MAPK10: variants seen among roughly 807,000 people sequenced by gnomAD.
MAPK10 encodes the protein JNK3 alpha protein kinase.
A neutral mutation model predicts 59.3 loss-of-function variants in MAPK10; 25 were observed. The observed-to-expected ratio is 0.42, with a 90% confidence interval of 0.31 to 0.59. The LOEUF is 0.59. MAPK10 is among the 20% of genes least tolerant of loss of function. The pLI is 0.15. For missense variants in MAPK10, 351 were observed against 568.9 expected (o/e 0.62, Z 3.90); for synonymous variants, 190 against 200.5 (o/e 0.95, Z 0.44).
chr4:86,429,083 T>C (rs2149039344), intron 1 of MAPK10, among the ~76,000 whole-genome samples: 1 of 152,328 alleles, frequency 6.6e-6, no homozygotes, highest in Admixed American at 6.5e-5. Context: ...TTACTCATTT[T>C]TGGTATATTA....
chr4:86,103,325 C>T, intron 5 of MAPK10, 81 bp from the exon 6 acceptor site: 1 of 764,242 alleles, frequency 1.3e-6, no homozygotes, highest in African/African-American at 1.7e-5. Flanking sequence ...TGTATTTCAA[C>T]TCAAAGTCAC....
intron 4 of MAPK10, among the ~76,000 whole-genome samples, chr4:86,108,686 A>C (rs2056956068): frequency 6.6e-6 from 1 of 152,174 alleles, no homozygotes; most frequent in African/African-American, 2.4e-5. Flanking sequence ...ATTGTTCGGC[A>C]GCTTTGAGAA....
At chr4:86,369,788 A>C (rs764827754) in intron 1 of MAPK10, among the ~76,000 whole-genome samples, 3 of 152,224 alleles carry the variant, frequency 2.0e-5, no homozygotes, top group African/African-American at 7.2e-5. Flanking sequence ...CAAGATAATT[A>C]AAACATTTTT....
intron 1 of MAPK10, among the ~76,000 whole-genome samples, chr4:86,366,626 T>G (rs1024392078): frequency 6.6e-6 from 1 of 152,054 alleles, no homozygotes; most frequent in African/African-American, 2.4e-5. Context: ...GAGATTTACA[T>G]AGCAATCAAC....
At chr4:86,438,942 G>A (rs1051228832) in intron 1 of MAPK10, among the ~76,000 whole-genome samples, 2 of 152,158 alleles carry the variant, frequency 1.3e-5, no homozygotes, top group Non-Finnish European at 2.9e-5. Context: ...ACTAGCAAAT[G>A]CAGCAAAGGA....
At chr4:86,544,358 A>T (rs919221001) in intron 1 of MAPK10, among the ~76,000 whole-genome samples, 2 of 152,226 alleles carry the variant, frequency 1.3e-5, no homozygotes, top group Non-Finnish European at 2.9e-5. Context: ...TTTTTGGGGG[A>T]ATAAAACAAT....
intron 2 of MAPK10, among the ~76,000 whole-genome samples, chr4:86,204,765 A>G (rs1188788237): frequency 6.6e-6 from 1 of 151,956 alleles, no homozygotes; most frequent in Admixed American, 6.6e-5. Context: ...GAATTTCCCA[A>G]TTCCTTTTCT....
At chr4:86,018,798 T>A (rs1457946110) in intron 13 of MAPK10, among the ~76,000 whole-genome samples, 1 of 152,224 alleles carries the variant, frequency 6.6e-6, no homozygotes, top group Non-Finnish European at 1.5e-5. Flanking sequence ...TAAAATTATA[T>A]CTTATTTGAG....
intron 1 of MAPK10, among the ~76,000 whole-genome samples, chr4:86,379,207 G>A (rs1304095972): frequency 6.6e-6 from 1 of 152,180 alleles, no homozygotes; most frequent in East Asian, 1.9e-4. Flanking sequence ...GGCCTAGCAG[G>A]ATCATTACTA....
At chr4:86,269,576 C>T (rs1052561159) in intron 2 of MAPK10, among the ~76,000 whole-genome samples, 21 of 152,200 alleles carry the variant, frequency 1.4e-4, no homozygotes, top group South Asian at 8.3e-4. Context: ...TACTCTCTCG[C>T]CTCTATCCAG....
chr4:86,218,230 G>GTC (rs762866631), intron 2 of MAPK10, among the ~76,000 whole-genome samples: 59 of 152,174 alleles, frequency 3.9e-4, no homozygotes, highest in Non-Finnish European at 5.9e-4. Context: ...TTGAGACGGA[G>GTC]TCTCACGCTG....
At chr4:86,136,515 A>G (rs1407935082) in intron 4 of MAPK10, among the ~76,000 whole-genome samples, 2 of 150,630 alleles carry the variant, frequency 1.3e-5, no homozygotes, top group Non-Finnish European at 2.9e-5. Flanking sequence ...GGCCTGCCCT[A>G]AAAGAGCTCC....
intron 13 of MAPK10, among the ~76,000 whole-genome samples, chr4:86,019,641 T>C (rs1173026753): frequency 6.6e-6 from 1 of 152,152 alleles, no homozygotes; most frequent in South Asian, 2.1e-4. Flanking sequence ...ACCAATATCC[T>C]TCATATTCTT....
At chr4:86,493,460 C>T (rs554700499) in intron 1 of MAPK10, among the ~76,000 whole-genome samples, 2 of 152,216 alleles carry the variant, frequency 1.3e-5, no homozygotes, top group East Asian at 3.9e-4. Context: ...TATTGCATTT[C>T]CCTTTCTCCA....
intron 2 of MAPK10, among the ~76,000 whole-genome samples, chr4:86,343,833 A>G (rs1442062873): frequency 6.6e-6 from 1 of 152,230 alleles, no homozygotes; most frequent in Non-Finnish European, 1.5e-5. Context: ...AAAGTGTAAA[A>G]CAATGCCACT....
rs373503827 is a variant in MAPK10 at position 86,537,077 on chromosome 4, T to C, written c.-263+56833A>G. Reference sequence around the variant, plus strand: ...CTGACTCAGGTTGTCGGAACCTCAGTAGGATGAAGAGGGAATACACACAAT... The same window carrying C: ...CTGACTCAGGTTGTCGGAACCTCAGCAGGATGAAGAGGGAATACACACAAT... On this transcript the variant is annotated intron_variant, in intron 1 of 4. Transcript: ENST00000502302. 3.3e-5 allele frequency among the ~76,000 whole-genome samples: 5 copies of C among 152,226 alleles called. No individual in the cohort carries two copies. In the East Asian group the frequency reaches 9.7e-4, roughly 29 times the overall value.
At chr4:86,408,619 C>T (rs1030864850) in intron 1 of MAPK10, among the ~76,000 whole-genome samples, 13 of 152,064 alleles carry the variant, frequency 8.5e-5, no homozygotes, top group South Asian at 2.1e-4. Flanking sequence ...GGTATCTCAT[C>T]GTGGTTTTGA....
intron 1 of MAPK10, among the ~76,000 whole-genome samples, chr4:86,476,997 T>C (rs1753144988): frequency 1.3e-5 from 2 of 152,168 alleles, no homozygotes; most frequent in Admixed American, 1.3e-4. Context: ...CCAGAGCCCC[T>C]GGAACTCTGA....
At chr4:86,261,523 T>A (rs1240197288) in intron 2 of MAPK10, among the ~76,000 whole-genome samples, 1 of 152,226 alleles carries the variant, frequency 6.6e-6, no homozygotes, top group Non-Finnish European at 1.5e-5. Flanking sequence ...ATCTGATCTT[T>A]AATTCACTTT....
Sources: allele counts gnomAD v4.1 joint callset (sites outside exome capture counted in the v4.1 genomes callset), GRCh38; gene constraint gnomAD v4.1.1; transcripts MANE v1.5; gene names NCBI Gene and HGNC (gene_info 2026-07-23, HGNC 2026-07-21).